GADL1: variants seen among roughly 807,000 people sequenced by gnomAD.
GADL1 encodes the protein GAD like acidic amino acid decarboxylase 1, also known as acidic amino acid decarboxylase GADL1.
GADL1 carries 71 observed loss-of-function variants against 69.5 expected under a neutral mutation model. That is an observed-to-expected ratio of 1.02 (90% CI 0.84 to 1.25). The LOEUF (loss-of-function observed/expected upper bound fraction) is 1.25, where lower values mean the gene tolerates loss of function less well. Among genes scored for constraint, GADL1 ranks in the 50% most tolerant of loss-of-function variants. The pLI is 0.00. For missense variants in GADL1, 737 were observed against 631.8 expected (o/e 1.17, Z -1.79); for synonymous variants, 254 against 214.4 (o/e 1.18, Z -1.62).
intron 14 of GADL1, among the ~76,000 whole-genome samples, chr3:30,761,288 C>T (rs1030501435): frequency 1.1e-4 from 14 of 122,804 alleles, no homozygotes; most frequent in African/African-American, 4.1e-4. Flanking sequence ...TAGAGCCTCT[C>T]AGAGCTCCTC....
At chr3:30,893,209 C>CA (rs1698808462) in intron 1 of GADL1, among the ~76,000 whole-genome samples, 1 of 152,228 alleles carries the variant, frequency 6.6e-6, no homozygotes, top group Non-Finnish European at 1.5e-5. Flanking sequence ...AAGAGTCTGA[C>CA]AAAATGCCTT....
chr3:30,739,040 C>T (rs1379341092), intron 14 of GADL1, among the ~76,000 whole-genome samples: 1 of 152,172 alleles, frequency 6.6e-6, no homozygotes, highest in Non-Finnish European at 1.5e-5. Context: ...GGCAAAACTC[C>T]TACCTAGCAG....
chr3:30,847,710 T>G (rs1698080883), intron 6 of GADL1, among the ~76,000 whole-genome samples: 1 of 152,178 alleles, frequency 6.6e-6, no homozygotes, highest in Non-Finnish European at 1.5e-5. Flanking sequence ...AATTCACACC[T>G]AGTTCTTGGT....
chr3:30,890,041 A>G (rs1329163254), intron 1 of GADL1, among the ~76,000 whole-genome samples: 1 of 152,208 alleles, frequency 6.6e-6, no homozygotes, highest in Admixed American at 6.5e-5. Context: ...TCTATACTCT[A>G]CCATAATTTA....
intron 11 of GADL1, among the ~76,000 whole-genome samples, chr3:30,830,104 A>G (rs1697762747): frequency 6.6e-6 from 1 of 151,800 alleles, no homozygotes; most frequent in South Asian, 2.1e-4. Context: ...TCACTCTCTG[A>G]TCTCCTCTCA....
intron 14 of GADL1, among the ~76,000 whole-genome samples, chr3:30,753,925 A>G (rs989114353): frequency 2.6e-5 from 4 of 152,128 alleles, no homozygotes; most frequent in Non-Finnish European, 5.9e-5. Context: ...CAGAAGAGGG[A>G]AGCAATTGCC....
At chr3:30,822,160 C>A (rs1248710219) in intron 11 of GADL1, among the ~76,000 whole-genome samples, 1 of 152,016 alleles carries the variant, frequency 6.6e-6, no homozygotes, top group East Asian at 1.9e-4. Flanking sequence ...AATTCCACAA[C>A]AAGAATAGAT....
At chr3:30,844,754 C>G (rs944113440) in intron 6 of GADL1, among the ~76,000 whole-genome samples, 1 of 152,028 alleles carries the variant, frequency 6.6e-6, no homozygotes, top group Non-Finnish European at 1.5e-5. Flanking sequence ...AGGGATCATG[C>G]CAATAATGCC....
At chr3:30,752,579 A>C (rs1334851067) in intron 14 of GADL1, among the ~76,000 whole-genome samples, 1 of 152,204 alleles carries the variant, frequency 6.6e-6, no homozygotes, top group Admixed American at 6.5e-5. Flanking sequence ...TCGAGGAGTT[A>C]TGCGAGTGTT....
At chr3:30,817,374 C>T (rs1006049202) in intron 11 of GADL1, among the ~76,000 whole-genome samples, 5 of 152,228 alleles carry the variant, frequency 3.3e-5, no homozygotes, top group African/African-American at 1.2e-4. Flanking sequence ...ACCTTGCCAC[C>T]AATCATGGGT....
At chr3:30,758,087 CAT>C (rs1696022937) in intron 14 of GADL1, among the ~76,000 whole-genome samples, 1 of 152,212 alleles carries the variant, frequency 6.6e-6, no homozygotes, top group Non-Finnish European at 1.5e-5. Context: ...TCATAGCTTT[CAT>C]AGTTTCCTGC....
chr3:30,783,883 A>AGTTCTT (rs1696730343), intron 13 of GADL1, among the ~76,000 whole-genome samples: 1 of 152,178 alleles, frequency 6.6e-6, no homozygotes, highest in Non-Finnish European at 1.5e-5. Context: ...TTTAGGAAGA[A>AGTTCTT]TATATAAAGA....
At chr3:30,796,264 C>T (rs1256680476) in intron 12 of GADL1, among the ~76,000 whole-genome samples, 1 of 152,184 alleles carries the variant, frequency 6.6e-6, no homozygotes, top group Admixed American at 6.5e-5. Flanking sequence ...TCCTGGACTT[C>T]TAATTTAGTG....
chr3:30,844,954 GCT>G (rs1698030406), intron 6 of GADL1, among the ~76,000 whole-genome samples: 3 of 152,142 alleles, frequency 2.0e-5, no homozygotes, highest in Admixed American at 6.5e-5. Context: ...CTAGTCCACT[GCT>G]GACTTGAAAC....
At chr3:30,800,331 A>G (rs1274048464) in intron 12 of GADL1, 1 of 152,870 alleles carries the variant, frequency 6.5e-6, no homozygotes, top group East Asian at 1.9e-4. Flanking sequence ...AAACCATCAG[A>G]TCTTGTGAGA....
rs552213820 is a variant in GADL1, at chr3:30,826,630, T to C, written c.1050+7223A>G. 5.2e-4 allele frequency among the ~76,000 whole-genome samples: 79 copies of C among 151,924 alleles called. No individual in the cohort carries two copies. In the South Asian group the frequency reaches 9.1e-3, roughly 18 times the overall value. On this transcript the variant is annotated intron_variant, in intron 11 of 14. Coordinates refer to ENST00000282538, the MANE Select transcript of GADL1 (RefSeq NM_207359.3). ...GGAGACCGTTGGCCAAGATGCTGGA[T>C]CCAACATTATAAACAGCCATTTCCA...
intron 11 of GADL1, among the ~76,000 whole-genome samples, chr3:30,824,660 G>A (rs866071673): frequency 6.6e-6 from 1 of 151,428 alleles, no homozygotes; most frequent in African/African-American, 2.4e-5. Context: ...ACATAAGCTT[G>A]AGCAACAACA....
At chr3:30,874,787 CA>C (rs1372435458) in intron 1 of GADL1, among the ~76,000 whole-genome samples, 9 of 151,942 alleles carry the variant, frequency 5.9e-5, no homozygotes, top group Non-Finnish European at 1.3e-4. Flanking sequence ...TTTGAAAATA[CA>C]AACAACTAAA....
chr3:30,866,568 T>C lies in GADL1; in HGVS notation c.38-4803A>G, dbSNP rs141361533. ...TCTCAGATTGATCAAATGACCAGGGTAATAAACTCTAGACCAAGTGGCTGG... is the reference window on the plus strand; with the variant it reads ...TCTCAGATTGATCAAATGACCAGGGCAATAAACTCTAGACCAAGTGGCTGG... On this transcript the variant is annotated intron_variant, in intron 1 of 14. Coordinates refer to ENST00000282538, the MANE Select transcript of GADL1 (RefSeq NM_207359.3). Among the ~76,000 whole-genome samples the C allele has an allele frequency of 3.8e-4, 58 of 152,110 alleles. No individual in the cohort carries two copies. The East Asian group carries it at 9.7e-3, about 26-fold the overall frequency.
Sources: gnomAD v4.1 joint callset for allele counts (sites outside exome capture counted in the v4.1 genomes callset) on GRCh38, gnomAD v4.1.1 for gene constraint, MANE v1.5 for transcripts, NCBI Gene and HGNC (gene_info 2026-07-23, HGNC 2026-07-21) for gene names.